The following TAFA1 variants were observed in gnomAD, a reference collection of about 807,000 sequenced individuals.
TAFA1 encodes the protein chemokine-like protein TAFA-1.
A neutral mutation model predicts 18.5 loss-of-function variants in TAFA1; 4 were observed. That is an observed-to-expected ratio of 0.22 (90% CI 0.11 to 0.49). The LOEUF (loss-of-function observed/expected upper bound fraction) is 0.49, where lower values mean the gene tolerates loss of function less well. TAFA1 is among the 20% of genes least tolerant of loss of function. The pLI is 0.98. For synonymous variants in TAFA1, 56 were observed against 55.2 expected (o/e 1.01, Z -0.06); for missense variants, 147 against 169.0 (o/e 0.87, Z 0.72).
intron 2 of TAFA1, among the ~76,000 whole-genome samples, chr3:68,415,346 C>T (rs542816020): frequency 6.6e-5 from 10 of 152,218 alleles, no homozygotes; most frequent in African/African-American, 2.4e-4. Flanking sequence ...TTGGCTGGGG[C>T]ACAGACATGA....
chr3:68,480,903 T>C (rs1355420900), intron 3 of TAFA1, among the ~76,000 whole-genome samples: 1 of 152,134 alleles, frequency 6.6e-6, no homozygotes, highest in East Asian at 1.9e-4. Flanking sequence ...CTCGTGGTAG[T>C]GAATAAGTCT....
chr3:68,313,875 T>C (rs992093118), intron 2 of TAFA1, among the ~76,000 whole-genome samples: 2 of 152,210 alleles, frequency 1.3e-5, no homozygotes, highest in Admixed American at 1.3e-4. Context: ...TGGAGAAATG[T>C]GTGTTTTAAT....
At chr3:68,057,815 G>A (rs1174830869) in intron 2 of TAFA1, among the ~76,000 whole-genome samples, 1 of 152,158 alleles carries the variant, frequency 6.6e-6, no homozygotes, top group African/African-American at 2.4e-5. Context: ...GTGGCACAAT[G>A]GTTGGTTTGA....
At chr3:68,522,757 G>C (rs2106754531) in intron 3 of TAFA1, among the ~76,000 whole-genome samples, 1 of 152,210 alleles carries the variant, frequency 6.6e-6, no homozygotes, top group East Asian at 1.9e-4. Context: ...GCTGAGGCAG[G>C]AGAACTGCTT....
chr3:68,188,518 T>TAG (rs1294462743), intron 2 of TAFA1, among the ~76,000 whole-genome samples: 16 of 146,978 alleles, frequency 1.1e-4, no homozygotes, highest in African/African-American at 3.5e-4. Context: ...TATATATATA[T>TAG]ATATAGAGAG....
At chr3:68,032,270 A>G (rs879895764) in intron 2 of TAFA1, among the ~76,000 whole-genome samples, 5 of 152,214 alleles carry the variant, frequency 3.3e-5, no homozygotes, top group Non-Finnish European at 7.4e-5. Context: ...GTACTAAAGT[A>G]TGGAGAAGAA....
intron 2 of TAFA1, among the ~76,000 whole-genome samples, chr3:68,269,595 A>T (rs1216388019): frequency 6.6e-6 from 1 of 152,282 alleles, no homozygotes; most frequent in East Asian, 1.9e-4. Context: ...AAGTTTCAAG[A>T]CAATGGTCCA....
At chr3:68,108,404 C>G (rs1321705415) in intron 2 of TAFA1, among the ~76,000 whole-genome samples, 1 of 151,350 alleles carries the variant, frequency 6.6e-6, no homozygotes, top group East Asian at 1.9e-4. Context: ...TGTAATAAAG[C>G]CAAGATAGTA....
At chr3:68,531,265 G>A (rs747215162) in intron 3 of TAFA1, among the ~76,000 whole-genome samples, 1 of 152,134 alleles carries the variant, frequency 6.6e-6, no homozygotes, top group Non-Finnish European at 1.5e-5. Flanking sequence ...TCAGAAGAAA[G>A]AATTTGACCG....
intron 2 of TAFA1, among the ~76,000 whole-genome samples, chr3:68,393,753 T>A (rs974168325): frequency 6.6e-6 from 1 of 151,822 alleles, no homozygotes; most frequent in African/African-American, 2.4e-5. Flanking sequence ...ACAGAATCAA[T>A]GACAAAAATT....
chr3:68,073,920 T>C (rs1331854934), intron 2 of TAFA1, among the ~76,000 whole-genome samples: 2 of 152,110 alleles, frequency 1.3e-5, no homozygotes, highest in Non-Finnish European at 2.9e-5. Context: ...GTGGGGGATA[T>C]GGTTTTGGGA....
chr3:68,491,112 T>C (rs1203091281), intron 3 of TAFA1, among the ~76,000 whole-genome samples: 1 of 152,184 alleles, frequency 6.6e-6, no homozygotes, highest in East Asian at 1.9e-4. Context: ...GTGCTAGGAT[T>C]ACAGGCATGA....
Position 68,041,079 on chromosome 3 carries a change from A to G in TAFA1, c.118+34335A>G, listed in dbSNP as rs984231788. Among the ~76,000 whole-genome samples the G allele has an allele frequency of 3.9e-5, 6 of 152,212 alleles. No individual in the cohort carries two copies. The South Asian group carries it at 1.2e-3, about 32-fold the overall frequency. On this transcript the variant is annotated intron_variant, in intron 2 of 4. Transcript: ENST00000478136. ...AAGATTATTGCAAATGTACACATTA[A>G]TTATCTTATTTGCAATTAATATGGC...
intron 3 of TAFA1, among the ~76,000 whole-genome samples, chr3:68,444,821 T>G (rs563157786): frequency 0.011 from 1,481 of 138,250 alleles, 32 homozygotes; most frequent in African/African-American, 0.036. Context: ...TAAAATAAAT[T>G]AATAAATAAA....
intron 2 of TAFA1, among the ~76,000 whole-genome samples, chr3:68,080,629 T>C (rs1343396337): frequency 1.3e-5 from 2 of 152,208 alleles, no homozygotes; most frequent in African/African-American, 4.8e-5. Flanking sequence ...TTTAAGAATG[T>C]TGAATATTGG....
chr3:68,517,506 G>A (rs901859875), intron 3 of TAFA1, among the ~76,000 whole-genome samples: 2 of 152,112 alleles, frequency 1.3e-5, no homozygotes, highest in African/African-American at 4.8e-5. Flanking sequence ...AGGGAAAGCC[G>A]TGCAAATGTG....
intron 2 of TAFA1, among the ~76,000 whole-genome samples, chr3:68,215,067 G>A (rs1295426947): frequency 6.6e-6 from 1 of 151,992 alleles, no homozygotes; most frequent in Non-Finnish European, 1.5e-5. Context: ...ATTCAATGAA[G>A]CATCATTAGC....
chr3:68,184,244 G>A (rs2066242032), intron 2 of TAFA1, among the ~76,000 whole-genome samples: 1 of 152,112 alleles, frequency 6.6e-6, no homozygotes, highest in African/African-American at 2.4e-5. Context: ...TCAGATGATT[G>A]ACAGAGGATG....
intron 2 of TAFA1, among the ~76,000 whole-genome samples, chr3:68,224,722 A>T (rs1016295694): frequency 1.3e-5 from 2 of 151,964 alleles, no homozygotes; most frequent in African/African-American, 4.8e-5. Flanking sequence ...CATCTTTTAA[A>T]TTAGGCAATT....
Sources: allele counts gnomAD v4.1 joint callset (sites outside exome capture counted in the v4.1 genomes callset), GRCh38; gene constraint gnomAD v4.1.1; transcripts MANE v1.5; gene names NCBI Gene and HGNC (gene_info 2026-07-23, HGNC 2026-07-21).